The following KDM6A variants were observed in gnomAD, a reference collection of about 807,000 sequenced individuals.
KDM6A encodes lysine-specific demethylase 6A.
Under a neutral mutation model 117.6 loss-of-function variants are expected in KDM6A, and 11 were observed. The ratio of observed to expected loss-of-function variants is 0.09; its 90% CI spans 0.06 to 0.15. The LOEUF (loss-of-function observed/expected upper bound fraction) is 0.15, where lower values mean the gene tolerates loss of function less well. Among genes scored for constraint, KDM6A ranks in the 10% least tolerant of loss-of-function variants. The pLI is 1.00. For missense variants in KDM6A, 799 were observed against 1,077.3 expected (o/e 0.74, Z 3.62); for synonymous variants, 384 against 396.1 (o/e 0.97, Z 0.36).
At chrX:45,027,937 G>T (rs1342170462) in intron 6 of KDM6A, among the ~76,000 whole-genome samples, 1 of 110,243 alleles carries the variant, frequency 9.1e-6, no homozygotes, top group Non-Finnish European at 1.9e-5. Flanking sequence ...GGGATTACAG[G>T]TGCATGCCAC....
intron 8 of KDM6A, among the ~76,000 whole-genome samples, chrX:45,042,701 C>T (rs2043329984): frequency 9.4e-6 from 1 of 106,529 alleles, no homozygotes; most frequent in African/African-American, 3.6e-5. Flanking sequence ...CCCCACTTCT[C>T]TACATAGGAA....
intron 27 of KDM6A, among the ~76,000 whole-genome samples, chrX:45,098,205 C>T (rs1227385548): frequency 8.9e-6 from 1 of 112,294 alleles, no homozygotes; most frequent in Non-Finnish European, 1.9e-5. Context: ...TTCAGGTAGA[C>T]TTCACATTGG....
intron 17 of KDM6A, among the ~76,000 whole-genome samples, chrX:45,067,644 C>T (rs867552954): frequency 2.2e-5 from 2 of 90,059 alleles, no homozygotes; most frequent in African/African-American, 1.1e-4. Context: ...TGGTGTGTAT[C>T]TTTTTTTTGT....
chrX:45,106,250 A>G (rs1305995961), intron 27 of KDM6A, among the ~76,000 whole-genome samples: 1 of 111,823 alleles, frequency 8.9e-6, no homozygotes, highest in Non-Finnish European at 1.9e-5. Flanking sequence ...CAGGTTTTAC[A>G]AATGTTTTTA....
chrX:45,063,802 A>G lies in KDM6A; in HGVS notation c.2064A>G (p.Leu688=). The stretch of plus-strand genomic sequence containing the variant: ...CAGAGGAGCCGTGGAAAAACCAACT[A>G]TCTAACTCCACTCAGGTAATAGGAG... ...SSAEEPWKNQ[L]SNSTQGLHKG... Residue 688 remains leucine (L), a synonymous_variant, in exon 17 of 30, where the codon CTA becomes CTG. Coordinates refer to ENST00000611820, the MANE Select transcript of KDM6A (RefSeq NM_001291415.2). 8.4e-7 allele frequency: 1 copy of G among 1,197,585 alleles called. No homozygotes were observed. The highest frequency in any genetic ancestry group is 1.1e-6 in the Non-Finnish European group (1 of 887,571).
At chrX:45,099,393 C>T (rs372030394) in intron 27 of KDM6A, among the ~76,000 whole-genome samples, 5 of 109,539 alleles carry the variant, frequency 4.6e-5, no homozygotes, top group African/African-American at 1.7e-4. Context: ...CTTAAACCTA[C>T]GAAAGTCTTT....
intron 8 of KDM6A, 119 bp from the exon 9 acceptor site, chrX:45,051,590 T>C: frequency 2.2e-6 from 1 of 456,266 alleles, no homozygotes; most frequent in South Asian, 3.7e-5. Context: ...AATCAGCACT[T>C]TTTTCTTTTA....
chrX:45,061,217 A>T (rs1340157406), intron 14 of KDM6A, 107 bp from the exon 15 acceptor site: 4 of 437,924 alleles, frequency 9.1e-6, no homozygotes, highest in Non-Finnish European at 1.2e-5. Context: ...TCTTTTTAAC[A>T]TGTAAATATT....
rs759780813 is a variant in KDM6A, at chrX:45,036,119, G to C, written c.619+1134G>C. Among the ~76,000 whole-genome samples the C allele has an allele frequency of 2.3e-3, 250 of 110,794 alleles. 3 individuals are homozygous for C. Among genetic ancestry groups the C allele is most frequent in the African/African-American group, 8.0e-3 (244 of 30,482 alleles). On this transcript the variant is annotated intron_variant, in intron 7 of 29. Transcript: ENST00000611820. ...TGCTGTAAGTTACTTTTTTGTTTTT[G>C]TTTTTTGTTTCATTTTGAGATGGGG... is the stretch of plus-strand genomic sequence containing the variant.
rs1028268095 is a variant in KDM6A, at chrX:45,082,304, G to A, written c.3301-272G>A. The A allele has an allele frequency of 5.2e-5, 17 of 329,075 alleles. No homozygotes were observed. In the East Asian group the frequency reaches 6.8e-4, roughly 13 times the overall value. 27.1% of individuals were successfully genotyped at this position (329,075 alleles called of 1,213,427 possible). On this transcript the variant is annotated intron_variant, in intron 21 of 29. Coordinates refer to ENST00000611820, the MANE Select transcript of KDM6A (RefSeq NM_001291415.2). Reference sequence around the variant, plus strand: ...AAAAATTAGCTGGGCGTGGTCATGCGCACCTAATAGTCCCAGCTACTGAGG... The same window carrying A: ...AAAAATTAGCTGGGCGTGGTCATGCACACCTAATAGTCCCAGCTACTGAGG...
chrX:44,946,718 G>A (rs5952657), intron 2 of KDM6A, among the ~76,000 whole-genome samples: 22 of 83,464 alleles, frequency 2.6e-4, no homozygotes, highest in African/African-American at 9.4e-4. Flanking sequence ...TTTTTTATAT[G>A]TAGATATAGG....
At chrX:45,063,300 A>G in intron 16 of KDM6A, 122 bp from the exon 17 acceptor site, 2 of 652,614 alleles carry the variant, frequency 3.1e-6, no homozygotes, top group Non-Finnish European at 2.5e-6. Context: ...TTTGGGTAAA[A>G]TCACACATTC....
intron 2 of KDM6A, 50 bp downstream of exon 2, chrX:44,874,037 C>T (rs773875595): frequency 1.8e-6 from 2 of 1,121,971 alleles, no homozygotes; most frequent in African/African-American, 3.6e-5. Context: ...TGGCCGGCGC[C>T]GCGCTCGCCC....
At position 44,876,785 on chromosome X, in the gene KDM6A, ACT is replaced by A. The variant is rs1168234294; in HGVS notation, c.225+2801_225+2802del. Among the ~76,000 whole-genome samples the A allele has an allele frequency of 3.6e-5, 4 of 110,468 alleles. No homozygotes were observed. In the East Asian group the frequency reaches 1.1e-3, roughly 31 times the overall value. The stretch of plus-strand genomic sequence containing the variant: ...AATTCACATTTGTATGTTAAAAAAA[ACT>A]CTTGACCTAAAAGCTTTAGAAAGTT... On this transcript the variant is annotated intron_variant, in intron 2 of 29. Coordinates refer to ENST00000611820, the MANE Select transcript of KDM6A (RefSeq NM_001291415.2).
intron 2 of KDM6A, among the ~76,000 whole-genome samples, chrX:44,884,273 G>GT (rs2032625821): frequency 2.7e-5 from 3 of 110,508 alleles, no homozygotes; most frequent in African/African-American, 9.9e-5. Context: ...ATGTTTTGGG[G>GT]CATTGTTAAA....
At chrX:44,957,210 C>G (rs1489085862) in intron 2 of KDM6A, among the ~76,000 whole-genome samples, 1 of 111,811 alleles carries the variant, frequency 8.9e-6, no homozygotes, top group Non-Finnish European at 1.9e-5. Context: ...CTAAAAGTTT[C>G]ACTCATTTAA....
At chrX:44,990,851 A>G (rs1315470762) in intron 4 of KDM6A, among the ~76,000 whole-genome samples, 2 of 111,984 alleles carry the variant, frequency 1.8e-5, no homozygotes, top group Admixed American at 9.5e-5. Context: ...TACCTTTGTA[A>G]TTAGTGACAA....
intron 2 of KDM6A, among the ~76,000 whole-genome samples, chrX:44,948,634 A>G (rs985655859): frequency 8.9e-6 from 1 of 112,199 alleles, no homozygotes; most frequent in African/African-American, 3.2e-5. Context: ...AAACTTTTAC[A>G]TCAAAAACTC....
chrX:44,972,611 G>A (rs1407170001), intron 3 of KDM6A, among the ~76,000 whole-genome samples: 8 of 111,504 alleles, frequency 7.2e-5, no homozygotes, highest in Admixed American at 5.7e-4. Context: ...CACTTTTGGG[G>A]AAGGCAGTGT....
Sources: gnomAD v4.1 joint callset for allele counts (sites outside exome capture counted in the v4.1 genomes callset) on GRCh38, gnomAD v4.1.1 for gene constraint, MANE v1.5 for transcripts, NCBI Gene and HGNC (gene_info 2026-07-23, HGNC 2026-07-21) for gene names.